Variants in STON1 observed in about 807,000 individuals in gnomAD.
STON1 encodes the protein stonin-1.
In STON1, 79 loss-of-function variants were observed where a neutral mutation model predicts 60.9. That is an observed-to-expected ratio of 1.30 (90% CI 1.08 to 1.56). The LOEUF (loss-of-function observed/expected upper bound fraction) is 1.56. Among genes scored for constraint, STON1 ranks in the 40% most tolerant of loss-of-function variants. The probability of loss-of-function intolerance (pLI) is 0.00; values close to 1 mark genes in which losing one functional copy is unlikely to be tolerated. For synonymous variants in STON1, 363 were observed against 306.9 expected (o/e 1.18, Z -1.91); for missense variants, 1,166 against 858.9 (o/e 1.36, Z -4.47).
At chr2:48,530,812 C>T (rs1030440734) in intron 1 of STON1, 24 of 152,484 alleles carry the variant, frequency 1.6e-4, no homozygotes, top group African/African-American at 5.5e-4. Flanking sequence ...ACCACACTGG[C>T]CCAAATATTT....
At chr2:48,556,174 C>T (rs1358266325) in intron 1 of STON1, among the ~76,000 whole-genome samples, 2 of 21,734 alleles carry the variant, frequency 9.2e-5, no homozygotes, top group Admixed American at 3.2e-4. Context: ...GGGCGCTGAC[C>T]CCCCCACCTC....
intron 1 of STON1, among the ~76,000 whole-genome samples, chr2:48,535,419 A>G (rs1347575032): frequency 6.6e-6 from 1 of 152,092 alleles, no homozygotes; most frequent in Non-Finnish European, 1.5e-5. Context: ...ATCCTGTACT[A>G]CCATGTCCCC....
Position 48,596,824 on chromosome 2 carries a change from G to C in STON1, c.*1522G>C, listed in dbSNP as rs921771038. ...GCAAAGAATGCAATAGGTGATGGTT[G>C]GTTGAAAGGAATTGTTATTGCTGTT... On this transcript the variant is annotated 3_prime_UTR_variant, in exon 4 of 4. Coordinates refer to ENST00000404752, the MANE Select transcript of STON1 (RefSeq NM_006873.4). 1 of 152,044 alleles carries C rather than the reference G, an allele frequency of 6.6e-6. No homozygotes were observed. The highest frequency in any genetic ancestry group is 1.5e-5 in the Non-Finnish European group (1 of 68,006). 9.4% of individuals were successfully genotyped at this position (152,044 alleles called of 1,614,324 possible). A position where few individuals can be genotyped will look rare whatever the true frequency, so the allele number is the denominator to read the frequency against.
At chr2:48,593,616 G>T (rs899185922) in intron 3 of STON1, among the ~76,000 whole-genome samples, 1 of 152,170 alleles carries the variant, frequency 6.6e-6, no homozygotes, top group East Asian at 1.9e-4. Context: ...CTGAGAACAT[G>T]TGCCTCTCAA....
chr2:48,587,408 T>A (rs1422105620), intron 2 of STON1, among the ~76,000 whole-genome samples: 2 of 152,194 alleles, frequency 1.3e-5, no homozygotes, highest in Non-Finnish European at 2.9e-5. Flanking sequence ...TTTTTCTGCC[T>A]CAGCCTCCCA....
At chr2:48,556,990 C>T (rs1173118305) in intron 1 of STON1, among the ~76,000 whole-genome samples, 8 of 72,756 alleles carry the variant, frequency 1.1e-4, no homozygotes, top group Non-Finnish European at 2.9e-5. Context: ...CCCCACCTCC[C>T]TCCTGGACGG....
rs566967749 is a variant in STON1 at position 48,571,653 on chromosome 2, A to G, written c.-47-8934A>G. Among the ~76,000 whole-genome samples the G allele has an allele frequency of 9.8e-4, 149 of 152,334 alleles. 1 individual carries two copies. The highest frequency in any genetic ancestry group is 9.1e-4 in the Non-Finnish European group (62 of 68,028). The stretch of plus-strand genomic sequence containing the variant: ...AGCCTTCTTATCTCTCGGAGACCCA[A>G]TAGGCTTCTAACAGACCAAGGCTCT... On this transcript the variant is annotated intron_variant, in intron 1 of 3. Transcript: ENST00000404752.
chr2:48,561,615 G>A (rs750378879), intron 1 of STON1, among the ~76,000 whole-genome samples: 1 of 152,214 alleles, frequency 6.6e-6, no homozygotes. Context: ...GTGCATTGTA[G>A]AATGTTTAGC....
chr2:48,530,277 G>T (rs1248732017), intron 1 of STON1, 61 bp downstream of exon 1: 2 of 338,648 alleles, frequency 5.9e-6, no homozygotes, highest in Non-Finnish European at 1.1e-5. Context: ...CTCCAGGGTG[G>T]GGCCTCCCGC....
chr2:48,580,899 C>G lies in STON1; in HGVS notation c.266C>G (p.Pro89Arg). ...CTTTCTACACCTACCAAAGACTTCC[C>G]AGGTTTTCCTGGCATCCCCAAAGCA... ...SPLSTPTKDF[P>R]GFPGIPKAGT... is the part of the protein sequence containing the mutation. Residue 89 changes from proline to arginine, a missense_variant, in exon 2 of 4, where the codon CCA becomes CGA. Transcript: ENST00000404752. 1 of 1,594,112 alleles carries G rather than the reference C, an allele frequency of 6.3e-7. No individual in the cohort carries two copies. The highest frequency in any genetic ancestry group is 1.7e-4 in the Middle Eastern group (1 of 5,942).
intron 1 of STON1, among the ~76,000 whole-genome samples, chr2:48,571,800 AC>A (rs1172361628): frequency 6.6e-5 from 10 of 152,132 alleles, no homozygotes; most frequent in Non-Finnish European, 1.0e-4. Flanking sequence ...GGGTTTTGAG[AC>A]CAGAATAGAA....
chr2:48,574,735 T>C (rs879788749), intron 1 of STON1, among the ~76,000 whole-genome samples: 7 of 152,224 alleles, frequency 4.6e-5, no homozygotes, highest in Admixed American at 3.9e-4. Flanking sequence ...AAGTTCATTA[T>C]AAATTGGATT....
chr2:48,559,103 G>T (rs148416003), intron 1 of STON1, among the ~76,000 whole-genome samples: 281 of 152,216 alleles, frequency 1.8e-3, no homozygotes, highest in Non-Finnish European at 3.4e-3. Context: ...AACACTTCTG[G>T]TCCCAAGCGT....
chr2:48,590,215 C>G (rs1348692806), intron 2 of STON1, among the ~76,000 whole-genome samples: 2 of 152,120 alleles, frequency 1.3e-5, no homozygotes, highest in African/African-American at 4.8e-5. Context: ...GTTAAGAGCA[C>G]CTCAGAGGCC....
At chr2:48,552,883 T>G (rs4953593) in intron 1 of STON1, among the ~76,000 whole-genome samples, 52,896 of 152,054 alleles carry the variant, frequency 0.35, 9,450 homozygotes, top group East Asian at 0.54. Context: ...AAATCACAAT[T>G]TAATATTTTC....
chr2:48,544,102 C>T (rs978625725), intron 1 of STON1, among the ~76,000 whole-genome samples: 8 of 152,136 alleles, frequency 5.3e-5, no homozygotes, highest in African/African-American at 9.7e-5. Flanking sequence ...TGGCTCAGAA[C>T]ATGTTGCTTT....
rs1390765798 is a variant in STON1, at chr2:48,598,003, A to C, written c.*2701A>C. The stretch of plus-strand genomic sequence containing the variant: ...TTCTAGCATTCATTTTGCTTAGATC[A>C]CTCCATTGTGAGTTTGACCATTTTG... On this transcript the variant is annotated 3_prime_UTR_variant, in exon 4 of 4. Transcript: ENST00000404752. 1.3e-5 allele frequency: 2 copies of C among 152,116 alleles called. No homozygotes were observed. Among genetic ancestry groups the C allele is most frequent in the African/African-American group, 4.8e-5 (2 of 41,426 alleles). The allele number at this position is 152,116 out of a possible 1,614,324, so 9.4% of individuals were successfully genotyped here.
Position 48,598,127 on chromosome 2 carries a change from G to A in STON1, c.*2825G>A, listed in dbSNP as rs920991743. ...ATATTAACTGTGTAAATGAATTCAT[G>A]GGTAGATGATTTGTGCAGATCTGAA... is the stretch of plus-strand genomic sequence containing the variant. On this transcript the variant is annotated 3_prime_UTR_variant, in exon 4 of 4. Transcript: ENST00000404752. The A allele has an allele frequency of 1.3e-5, 2 of 152,104 alleles. No individual in the cohort carries two copies. Among genetic ancestry groups the A allele is most frequent in the African/African-American group, 4.8e-5 (2 of 41,392 alleles). 9.4% of individuals were successfully genotyped at this position (152,104 alleles called of 1,614,324 possible). A position where few individuals can be genotyped will look rare whatever the true frequency, so the allele number is the denominator to read the frequency against.
At chr2:48,573,446 G>T (rs950333388) in intron 1 of STON1, among the ~76,000 whole-genome samples, 1 of 152,230 alleles carries the variant, frequency 6.6e-6, no homozygotes, top group African/African-American at 2.4e-5. Context: ...TCACTTTGGA[G>T]TTGGAAAGGA....
Sources: gnomAD v4.1 joint callset for allele counts (sites outside exome capture counted in the v4.1 genomes callset) on GRCh38, gnomAD v4.1.1 for gene constraint, MANE v1.5 for transcripts, NCBI Gene and HGNC (gene_info 2026-07-23, HGNC 2026-07-21) for gene names.